The following ARHGEF9 variants were observed in gnomAD, a reference collection of about 807,000 sequenced individuals.
ARHGEF9 encodes the protein Cdc42 guanine nucleotide exchange factor 9.
Under a neutral mutation model 41.3 loss-of-function variants are expected in ARHGEF9, and 2 were observed. The observed-to-expected ratio is 0.05, with a 90% confidence interval of 0.02 to 0.15. ARHGEF9 has a LOEUF of 0.15. Ranked by LOEUF, ARHGEF9 falls within the 10% of genes least tolerant of loss-of-function variation. The pLI is 1.00. For synonymous variants in ARHGEF9, 160 were observed against 154.4 expected, an observed-to-expected ratio of 1.04 and a Z score of -0.27; for missense variants, 225 against 424.7, an observed-to-expected ratio of 0.53 and a Z score of 4.13.
intron 2 of ARHGEF9, chrX:63,723,001 C>T (rs1390007753): frequency 9.0e-6 from 1 of 111,626 alleles, no homozygotes; most frequent in East Asian, 2.8e-4. Flanking sequence ...GTGCCCTCAC[C>T]TAAACTGTCC....
chrX:63,772,683 A>G (rs1266300051), intron 1 of ARHGEF9, among the ~76,000 whole-genome samples: 2 of 111,413 alleles, frequency 1.8e-5, no homozygotes, highest in Non-Finnish European at 3.8e-5. Flanking sequence ...TTGACCACTG[A>G]ACCACACTAA....
At chrX:63,682,655 T>C (rs2050732350) in intron 4 of ARHGEF9, among the ~76,000 whole-genome samples, 1 of 112,322 alleles carries the variant, frequency 8.9e-6, no homozygotes, top group African/African-American at 3.2e-5. Flanking sequence ...GATTTATCCC[T>C]GGGATGCAAG....
chrX:63,655,856 G>C, intron 7 of ARHGEF9, 119 bp from the exon 8 acceptor site: 1 of 978,021 alleles, frequency 1.0e-6, no homozygotes, highest in Non-Finnish European at 1.4e-6. Context: ...ATGGGGGTTG[G>C]TTTGTTCTAA....
chrX:63,687,084 C>T (rs1556376486), intron 4 of ARHGEF9, among the ~76,000 whole-genome samples: 1 of 110,882 alleles, frequency 9.0e-6, no homozygotes. Context: ...ACACCCAGTG[C>T]ATGAAACTCC....
At chrX:63,646,361 A>G (rs2147160906) in intron 8 of ARHGEF9, among the ~76,000 whole-genome samples, 1 of 112,158 alleles carries the variant, frequency 8.9e-6, no homozygotes, top group South Asian at 3.7e-4. Context: ...TTATGGTTTT[A>G]GGTCTAACAT....
intron 2 of ARHGEF9, among the ~76,000 whole-genome samples, chrX:63,718,276 T>G (rs2053435404): frequency 9.0e-6 from 1 of 111,342 alleles, no homozygotes; most frequent in African/African-American, 3.3e-5. Flanking sequence ...TAAAGATAAG[T>G]GGTTTCACTC....
At chrX:63,653,992 C>T (rs2048710753) in intron 8 of ARHGEF9, among the ~76,000 whole-genome samples, 1 of 109,363 alleles carries the variant, frequency 9.1e-6, no homozygotes, top group Admixed American at 9.7e-5. Flanking sequence ...GATTCAGTCA[C>T]CTTGATTTTT....
chrX:63,771,080 G>T (rs1406234145), intron 1 of ARHGEF9, among the ~76,000 whole-genome samples: 1 of 112,197 alleles, frequency 8.9e-6, no homozygotes, highest in Admixed American at 9.5e-5. Context: ...GGCTGAGTAA[G>T]GTTGTATCTC....
chrX:63,653,150 A>G (rs1170707284), intron 8 of ARHGEF9, among the ~76,000 whole-genome samples: 1 of 111,587 alleles, frequency 9.0e-6, no homozygotes, highest in Non-Finnish European at 1.9e-5. Flanking sequence ...ACAATATCCT[A>G]GATAATCTGG....
rs150094866 is a variant in ARHGEF9, at chrX:63,695,624, C to G, written c.582+1501G>C. 8.0e-5 allele frequency among the ~76,000 whole-genome samples: 9 copies of G among 111,810 alleles called. No individual in the cohort carries two copies. The East Asian group carries it at 2.5e-3, about 32-fold the overall frequency. On this transcript the variant is annotated intron_variant, in intron 4 of 9. Coordinates refer to ENST00000671741, the MANE Select transcript of ARHGEF9 (RefSeq NM_001353921.2). ...TACAGAAAAGAGTTATCGTATCAGG[C>G]CTGAAATTGCTGTTCTCAGAAAAAC... is the stretch of plus-strand genomic sequence containing the variant.
intron 1 of ARHGEF9, among the ~76,000 whole-genome samples, chrX:63,769,569 T>C (rs782198299): frequency 8.9e-6 from 1 of 112,094 alleles, no homozygotes; most frequent in South Asian, 3.7e-4. Context: ...AAGGTCTTCA[T>C]GGCAAGCCCT....
intron 1 of ARHGEF9, among the ~76,000 whole-genome samples, chrX:63,767,616 C>T (rs2056133948): frequency 8.9e-6 from 1 of 112,061 alleles, no homozygotes; most frequent in Admixed American, 9.4e-5. Flanking sequence ...TTGTGCCGAC[C>T]TCATAAGATT....
chrX:63,775,531 G>A (rs1160515113), intron 1 of ARHGEF9, among the ~76,000 whole-genome samples: 4 of 111,948 alleles, frequency 3.6e-5, no homozygotes, highest in Non-Finnish European at 7.5e-5. Flanking sequence ...CGGCAACATG[G>A]ATGGAGCTGG....
In ARHGEF9 at chrX:63,674,177, C is replaced by T; in HGVS notation, c.816-10G>A. 8.3e-7 allele frequency: 1 copy of T among 1,209,579 alleles called. No homozygotes were observed. The highest frequency in any genetic ancestry group is 1.1e-6 in the Non-Finnish European group (1 of 894,414). ...CACATACCTGTAGTCACTGTGAAAA[C>T]AAAAGAGTGCAAGTTGAACCAACCA... On this transcript the variant is annotated splice_polypyrimidine_tract_variant and intron_variant, in intron 5 of 9. Coordinates refer to ENST00000671741, the MANE Select transcript of ARHGEF9 (RefSeq NM_001353921.2).
chrX:63,743,102 G>A (rs2055055469), intron 1 of ARHGEF9, among the ~76,000 whole-genome samples: 1 of 111,677 alleles, frequency 9.0e-6, no homozygotes, highest in African/African-American at 3.3e-5. Flanking sequence ...TGGGCATGGT[G>A]GCGTGCAGGA....
chrX:63,722,993 G>A (rs1167881716), intron 2 of ARHGEF9: 1 of 111,675 alleles, frequency 9.0e-6, no homozygotes, highest in Admixed American at 9.4e-5. Flanking sequence ...TCTAGGCAGT[G>A]CCCTCACCTA....
At chrX:63,666,380 A>AAG (rs782666128) in intron 6 of ARHGEF9, among the ~76,000 whole-genome samples, 41 of 91,507 alleles carry the variant, frequency 4.5e-4, no homozygotes, top group Non-Finnish European at 7.8e-4. Flanking sequence ...TGTGTGGAGA[A>AAG]AGAGAGAGAG....
chrX:63,747,999 C>G (rs1556436290), intron 1 of ARHGEF9, among the ~76,000 whole-genome samples: 1 of 112,327 alleles, frequency 8.9e-6, no homozygotes, highest in Non-Finnish European at 1.9e-5. Context: ...GGCCAAGTAA[C>G]TTATACTGCT....
rs1469065936 is a variant in ARHGEF9, at chrX:63,663,219, C to T, written c.1077+2667G>A. Among the ~76,000 whole-genome samples the T allele has an allele frequency of 2.7e-5, 3 of 111,524 alleles. No homozygotes were observed. The East Asian group carries it at 8.4e-4, about 31-fold the overall frequency. ...TCCCCTGTTATCAGTAAACCATCTG[C>T]CTCAAACAGGGGGTTGTCAGACTAT... On this transcript the variant is annotated intron_variant, in intron 7 of 9. Coordinates refer to ENST00000671741, the MANE Select transcript of ARHGEF9 (RefSeq NM_001353921.2).
Sources: allele counts gnomAD v4.1 joint callset (sites outside exome capture counted in the v4.1 genomes callset), GRCh38; gene constraint gnomAD v4.1.1; transcripts MANE v1.5; gene names NCBI Gene and HGNC (gene_info 2026-07-23, HGNC 2026-07-21).